CLPB: variants seen among roughly 807,000 people sequenced by gnomAD.
CLPB encodes ClpB family mitochondrial disaggregase, also known as mitochondrial disaggregase.
A neutral mutation model predicts 78.4 loss-of-function variants in CLPB; 40 were observed. That is an observed-to-expected ratio of 0.51 (90% CI 0.40 to 0.66). CLPB has a LOEUF of 0.66. Among genes scored for constraint, CLPB ranks in the 30% least tolerant of loss-of-function variants. The pLI, the probability that CLPB is intolerant of heterozygous loss-of-function variation, is 0.00. For missense variants in CLPB, 780 were observed against 886.9 expected (o/e 0.88, Z 1.53); for synonymous variants, 333 against 348.0 (o/e 0.96, Z 0.48).
rs1334928701 is a variant in CLPB at position 72,287,088 on chromosome 11, G to C, written c.*6279C>G. Reference sequence around the variant, plus strand: ...GTAATCAGAGTGTGCAATTCAACTTGATTTTATTTGGGATTTTTGCATCTA... The same window carrying C: ...GTAATCAGAGTGTGCAATTCAACTTCATTTTATTTGGGATTTTTGCATCTA... On this transcript the variant is annotated 3_prime_UTR_variant, in exon 16 of 16. Transcript: ENST00000538039. 1 of 152,090 alleles carries C rather than the reference G, an allele frequency of 6.6e-6. No individual in the cohort carries two copies. The highest frequency in any genetic ancestry group is 2.4e-5 in the African/African-American group (1 of 41,388). The allele number at this position is 152,090 out of a possible 1,614,324, so 9.4% of individuals were successfully genotyped here. A position where few individuals can be genotyped will look rare whatever the true frequency, so the allele number is the denominator to read the frequency against.
intron 4 of CLPB, among the ~76,000 whole-genome samples, chr11:72,366,601 A>C (rs1318028482): frequency 6.6e-6 from 1 of 152,216 alleles, no homozygotes; most frequent in Non-Finnish European, 1.5e-5. Flanking sequence ...GCCAAAGACA[A>C]GGACATTTCT....
intron 5 of CLPB, among the ~76,000 whole-genome samples, chr11:72,339,174 G>C (rs1950373370): frequency 2.0e-5 from 3 of 152,210 alleles, no homozygotes; most frequent in Middle Eastern, 3.2e-3. Context: ...AAATACACCA[G>C]ATGGAAGATT....
At chr11:72,403,208 A>G (rs1855615267) in intron 2 of CLPB, among the ~76,000 whole-genome samples, 156 bp from the exon 3 acceptor site, 1 of 152,258 alleles carries the variant, frequency 6.6e-6, no homozygotes, top group Non-Finnish European at 1.5e-5. Context: ...GTCAACAAAC[A>G]GAGCCTGAAT....
rs762324677 is a variant in CLPB at position 72,434,206 on chromosome 11, C to T, written c.269G>A (p.Arg90His). The part of the protein sequence containing the change: ...TKCLAAATWG[R>H]LPGPEETLPG... Reference sequence around the variant, plus strand: ...GAGTGTTTCTTCGGGACCAGGAAGGCGTCCCCAAGTGGCAGCCGCGAGGCA... The same window carrying T: ...GAGTGTTTCTTCGGGACCAGGAAGGTGTCCCCAAGTGGCAGCCGCGAGGCA... Residue 90 changes from arginine to histidine, a missense_variant, in exon 1 of 16, where the codon CGC becomes CAC. Around this residue, in one of 3 missense-constraint regions of CLPB, gnomAD observed 417 missense variants for 414.7 expected, o/e 1.01. Coordinates refer to ENST00000538039, the MANE Select transcript of CLPB (RefSeq NM_001258392.3). 19 of 1,613,544 alleles carry T rather than the reference C, an allele frequency of 1.2e-5. No homozygotes were observed. Among genetic ancestry groups the T allele is most frequent in the South Asian group, 2.2e-5 (2 of 91,074 alleles).
At chr11:72,376,065 C>G (rs887471950) in intron 4 of CLPB, among the ~76,000 whole-genome samples, 6 of 152,148 alleles carry the variant, frequency 3.9e-5, no homozygotes, top group African/African-American at 9.7e-5. Context: ...AAGGACTGCC[C>G]AACTTTCCTG....
At chr11:72,295,676 G>C in intron 11 of CLPB, 28 bp from the exon 12 acceptor site, 1 of 1,611,972 alleles carries the variant, frequency 6.2e-7, no homozygotes, top group Non-Finnish European at 8.5e-7. Context: ...GGAGTGTACA[G>C]TCAGGGAGCT....
intron 6 of CLPB, among the ~76,000 whole-genome samples, chr11:72,321,328 G>A (rs181605632): frequency 2.6e-4 from 40 of 152,260 alleles, no homozygotes; most frequent in African/African-American, 9.6e-4. Context: ...AGCAGGAGTC[G>A]GGGAGTGAGC....
chr11:72,403,049 C>G lies in CLPB; in HGVS notation c.459G>C (p.Leu153=). Residue 153 remains leucine, a synonymous_variant, in exon 3 of 16, where the codon CTG becomes CTC. Coordinates refer to ENST00000538039, the MANE Select transcript of CLPB (RefSeq NM_001258392.3). ...RANNMQEVSR[L]LSEGADVNAK... ...CATTGACATCTGCACCTTCTGACAACAGCCTAAAACAAGACAGAGGAATAT... is the reference window on the plus strand; with the variant it reads ...CATTGACATCTGCACCTTCTGACAAGAGCCTAAAACAAGACAGAGGAATAT... 1 of 1,613,050 alleles carries G rather than the reference C, an allele frequency of 6.2e-7. No homozygotes were observed. Among genetic ancestry groups the G allele is most frequent in the Non-Finnish European group, 8.5e-7 (1 of 1,179,832 alleles).
intron 5 of CLPB, among the ~76,000 whole-genome samples, chr11:72,340,489 C>T (rs1950400725): frequency 6.6e-6 from 1 of 152,188 alleles, no homozygotes; most frequent in Non-Finnish European, 1.5e-5. Flanking sequence ...CTGTGTACAG[C>T]TGGGCATTAG....
intron 2 of CLPB, among the ~76,000 whole-genome samples, chr11:72,417,628 A>C (rs1211161463): frequency 2.6e-5 from 4 of 152,220 alleles, no homozygotes; most frequent in Non-Finnish European, 5.9e-5. Flanking sequence ...AGAAAAAAGA[A>C]TGAATGTATA....
intron 3 of CLPB, among the ~76,000 whole-genome samples, chr11:72,382,556 C>G (rs760075687): frequency 1.4e-4 from 21 of 152,228 alleles, no homozygotes; most frequent in Non-Finnish European, 3.1e-4. Context: ...TCCAGTGGGC[C>G]CAGGCTCCAA....
chr11:72,326,449 T>G (rs573954444), intron 6 of CLPB, among the ~76,000 whole-genome samples: 65 of 152,344 alleles, frequency 4.3e-4, no homozygotes, highest in African/African-American at 1.4e-3. Context: ...TGTACTATAT[T>G]ATTTATTTCT....
At chr11:72,298,551 G>A (rs116888156) in intron 11 of CLPB, among the ~76,000 whole-genome samples, 4,312 of 152,266 alleles carry the variant, frequency 0.028, 104 homozygotes, top group Non-Finnish European at 0.038. Flanking sequence ...AGGTTGGAGC[G>A]CAGTGGTGCA....
intron 3 of CLPB, among the ~76,000 whole-genome samples, chr11:72,398,715 G>A (rs536240167): frequency 3.6e-4 from 55 of 152,328 alleles, no homozygotes; most frequent in African/African-American, 1.2e-3. Flanking sequence ...CCCAGACTCA[G>A]GCTAAACAAG....
intron 5 of CLPB, among the ~76,000 whole-genome samples, chr11:72,350,553 T>A (rs1236450740): frequency 1.3e-5 from 2 of 152,268 alleles, no homozygotes; most frequent in Non-Finnish European, 2.9e-5. Flanking sequence ...TACCAGACTT[T>A]AAGCTTTACA....
At chr11:72,315,702 T>A (rs1222831373) in intron 7 of CLPB, among the ~76,000 whole-genome samples, 1 of 152,204 alleles carries the variant, frequency 6.6e-6, no homozygotes, top group South Asian at 2.1e-4. Flanking sequence ...ATCAAATCAA[T>A]TCATTCTGCG....
chr11:72,303,460 CA>C (rs1285186422), intron 9 of CLPB, among the ~76,000 whole-genome samples: 1 of 152,222 alleles, frequency 6.6e-6, no homozygotes, highest in African/African-American at 2.4e-5. Flanking sequence ...GGCTGGGAGC[CA>C]GGGGGCTCGG....
At chr11:72,369,494 G>A (rs923656680) in intron 4 of CLPB, among the ~76,000 whole-genome samples, 6 of 151,860 alleles carry the variant, frequency 4.0e-5, no homozygotes, top group Non-Finnish European at 7.4e-5. Flanking sequence ...GCAACAAGAA[G>A]AAGGTGGCAG....
At chr11:72,344,656 T>C (rs781532705) in intron 5 of CLPB, among the ~76,000 whole-genome samples, 5 of 152,306 alleles carry the variant, frequency 3.3e-5, no homozygotes, top group Non-Finnish European at 7.3e-5. Flanking sequence ...GCATTCTCCT[T>C]TAAAAAACAG....
Sources: gnomAD v4.1 joint callset for allele counts (sites outside exome capture counted in the v4.1 genomes callset) on GRCh38, gnomAD v4.1.1 for gene constraint, gnomAD v4.1.1 regional missense constraint, MANE v1.5 for transcripts, NCBI Gene and HGNC (gene_info 2026-07-23, HGNC 2026-07-21) for gene names.